ANXA7: variants seen among roughly 807,000 people sequenced by gnomAD.
The protein encoded by ANXA7 is annexin VII.
In ANXA7, 55 loss-of-function variants were observed where a neutral mutation model predicts 64.9. The ratio of observed to expected loss-of-function variants is 0.85; its 90% confidence interval spans 0.68 to 1.06. The LOEUF is 1.06. ANXA7 is among the 50% of genes least tolerant of loss of function. The pLI is 0.00. For synonymous variants in ANXA7, 200 were observed against 192.4 expected (o/e 1.04, Z -0.33); for missense variants, 548 against 582.1 (o/e 0.94, Z 0.60).
intron 5 of ANXA7, among the ~76,000 whole-genome samples, chr10:73,393,904 C>T (rs185624893): frequency 2.7e-3 from 416 of 152,292 alleles, no homozygotes; most frequent in Non-Finnish European, 4.7e-3. Context: ...AAAGAAACTA[C>T]CATCAGAGTG....
At chr10:73,396,403 T>C (rs2055576128) in intron 5 of ANXA7, 116 bp downstream of exon 5, 2 of 743,756 alleles carry the variant, frequency 2.7e-6, no homozygotes, top group Non-Finnish European at 4.6e-6. Context: ...GTAAAGACTT[T>C]AGTCTTCCAT....
chr10:73,386,492 A>C (rs139572671), intron 7 of ANXA7, among the ~76,000 whole-genome samples: 10 of 152,288 alleles, frequency 6.6e-5, no homozygotes, highest in Non-Finnish European at 1.5e-4. Flanking sequence ...CAGTATTAAG[A>C]AGCAGCTAAA....
chr10:73,376,267 A>G (rs752415660), intron 12 of ANXA7, 50 bp from the exon 13 acceptor site: 6 of 1,488,164 alleles, frequency 4.0e-6, no homozygotes, highest in Middle Eastern at 1.8e-4. Context: ...GACAACTGAC[A>G]TTTCTTAAAA....
chr10:73,389,951 G>T (rs78200962), intron 5 of ANXA7, among the ~76,000 whole-genome samples: 1 of 152,144 alleles, frequency 6.6e-6, no homozygotes, highest in African/African-American at 2.4e-5. Context: ...GGGTGTTCAA[G>T]TCAGGGCTTA....
Position 73,383,591 on chromosome 10 carries a change from G to T in ANXA7, c.733C>A (p.Arg245=). 6.2e-7 allele frequency: 1 copy of T among 1,611,312 alleles called. No individual in the cohort carries two copies. ...PPTYYDAWSL[R]KAMQGAGTQE... ...TATAGTAGTACCTGCATTGCTTTCC[G>T]TAAGCTCCAGGCATCGTAATACGTA... Residue 245 remains arginine, a synonymous_variant, in exon 8 of 13, where the codon CGG becomes AGG. Coordinates refer to ENST00000372921, the MANE Select transcript of ANXA7 (RefSeq NM_001156.5).
At position 73,378,923 on chromosome 10, in the gene ANXA7, G is replaced by T; in HGVS notation, c.1266C>A (p.Val422=). The stretch of plus-strand genomic sequence containing the variant: ...AGGCCTGCCTCACCTCACTTCGAGT[G>T]ACCACAATCCGGACCAGGGTGGAGT... ...TDDSTLVRIV[V]TRSEIDLVQI... is the part of the protein sequence containing the mutation. Residue 422 remains valine (V), a synonymous_variant, in exon 12 of 13, where the codon GTC becomes GTA. Transcript: ENST00000372921. The T allele has an allele frequency of 6.2e-7, 1 of 1,612,888 alleles. No individual in the cohort carries two copies. The highest frequency in any genetic ancestry group is 1.1e-5 in the South Asian group (1 of 90,852).
chr10:73,380,875 T>C (rs373840364), intron 9 of ANXA7, among the ~76,000 whole-genome samples: 1 of 152,170 alleles, frequency 6.6e-6, no homozygotes, highest in African/African-American at 2.4e-5. Flanking sequence ...TATTCATTCA[T>C]GCGACTAAGA....
At chr10:73,401,836 C>T (rs1031379978) in intron 1 of ANXA7, among the ~76,000 whole-genome samples, 4 of 152,182 alleles carry the variant, frequency 2.6e-5, no homozygotes, top group Admixed American at 6.5e-5. Context: ...GCAGTCCTCA[C>T]CAGATGCCAG....
chr10:73,390,712 AT>A (rs2055461943), intron 5 of ANXA7, among the ~76,000 whole-genome samples: 2 of 114,630 alleles, frequency 1.7e-5, no homozygotes, highest in African/African-American at 8.0e-5. Flanking sequence ...ATATATATAT[AT>A]ATATATAAAA....
At chr10:73,410,900 G>A (rs1429462597) in intron 1 of ANXA7, among the ~76,000 whole-genome samples, 1 of 151,692 alleles carries the variant, frequency 6.6e-6, no homozygotes, top group Non-Finnish European at 1.5e-5. Context: ...ACTCCTTGAA[G>A]AGCTAAAAAA....
At position 73,400,819 on chromosome 10, in the gene ANXA7, G is replaced by T; in HGVS notation, c.38C>A (p.Pro13His). 1.2e-6 allele frequency: 2 copies of T among 1,606,322 alleles called. No individual in the cohort carries two copies. The highest frequency in any genetic ancestry group is 1.7e-6 in the Non-Finnish European group (2 of 1,175,802). The change falls in exon 2 of 13, where the codon CCT (proline) becomes CAT (histidine). Residue 13 changes from proline (P) to histidine (H), a missense_variant. Coordinates refer to ENST00000372921, the MANE Select transcript of ANXA7 (RefSeq NM_001156.5). ...YPGYPPTGYP[P>H]FPGYPPAGQE... Reference sequence around the variant, plus strand: ...AATACTTACAGGATATCCAGGGAAAGGTGGGTAGCCTGTTGGGGGATAGCC... The same window carrying T: ...AATACTTACAGGATATCCAGGGAAATGTGGGTAGCCTGTTGGGGGATAGCC...
At chr10:73,395,265 T>TA (rs1469676303) in intron 5 of ANXA7, among the ~76,000 whole-genome samples, 3 of 152,146 alleles carry the variant, frequency 2.0e-5, no homozygotes, top group Admixed American at 6.5e-5. Context: ...GAAAGTGAGC[T>TA]AAAAAAATCA....
In ANXA7 at chr10:73,394,832, A is replaced by C. The variant is rs528186037; in HGVS notation, c.435+1687T>G. 3.3e-5 allele frequency among the ~76,000 whole-genome samples: 5 copies of C among 152,366 alleles called. No homozygotes were observed. In the South Asian group the frequency reaches 1.0e-3, roughly 32 times the overall value. On this transcript the variant is annotated intron_variant, in intron 5 of 12. Coordinates refer to ENST00000372921, the MANE Select transcript of ANXA7 (RefSeq NM_001156.5). ...TATGTAACAAACTTGCACGTTGTGCACATGTACCCTAGAACTTAAAGTGTA... is the reference window on the plus strand; with the variant it reads ...TATGTAACAAACTTGCACGTTGTGCCCATGTACCCTAGAACTTAAAGTGTA...
At chr10:73,395,852 T>C (rs780830032) in intron 5 of ANXA7, 7 of 676,104 alleles carry the variant, frequency 1.0e-5, no homozygotes, top group Non-Finnish European at 1.6e-5. Context: ...ACTCTGCAGC[T>C]AATGAGAAAA....
At chr10:73,398,460 A>G (rs2055611879) in intron 2 of ANXA7, 75 bp from the exon 3 acceptor site, 1 of 1,330,386 alleles carries the variant, frequency 7.5e-7, no homozygotes, top group Non-Finnish European at 1.0e-6. Flanking sequence ...AGGAACAAAC[A>G]GAGGTTATTA....
Position 73,383,303 on chromosome 10 carries a change from T to C in ANXA7, c.790A>G (p.Thr264Ala), listed in dbSNP as rs777950352. 11 of 1,614,142 alleles carry C rather than the reference T, an allele frequency of 6.8e-6. No individual in the cohort carries two copies. The South Asian group carries it at 1.1e-4, about 16-fold the overall frequency. Residue 264 changes from threonine to alanine, a missense_variant, in exon 9 of 13, where the codon ACA (threonine) becomes GCA (alanine). Thr to Ala is a moderately conservative substitution (Grantham distance 58, BLOSUM62 0). Coordinates refer to ENST00000372921, the MANE Select transcript of ANXA7 (RefSeq NM_001156.5). Reference sequence around the variant, plus strand: ...TCTCGGATTTCCTGATTTGTTCTTGTGCACAAAATCTCAATCAATACACGT... The same window carrying C: ...TCTCGGATTTCCTGATTTGTTCTTGCGCACAAAATCTCAATCAATACACGT... ...QERVLIEILC[T>A]RTNQEIREIV...
At chr10:73,395,602 G>C (rs1205811147) in intron 5 of ANXA7, among the ~76,000 whole-genome samples, 2 of 152,096 alleles carry the variant, frequency 1.3e-5, no homozygotes, top group Non-Finnish European at 2.9e-5. Context: ...TGGCCAACAT[G>C]GTGAAACCCT....
At position 73,380,052 on chromosome 10, in the gene ANXA7, A is replaced by G; in HGVS notation, c.1068T>C (p.Ala356=). The G allele has an allele frequency of 6.2e-7, 1 of 1,614,118 alleles. No homozygotes were observed. Among genetic ancestry groups the G allele is most frequent in the Non-Finnish European group, 8.5e-7 (1 of 1,180,012 alleles). ...ATACCCTAGAATAAGCCTCCATGGT[A>G]GCTCTCAGCTGAGGAAAGCTTCTTG... ...LATRSFPQLR[A]TMEAYSRMAN... The change falls in exon 10 of 13, where the codon GCT becomes GCC. Residue 356 remains alanine (A), a synonymous_variant. Transcript: ENST00000372921.
intron 12 of ANXA7, chr10:73,377,617 AT>A (rs2055194742): frequency 6.8e-6 from 1 of 146,098 alleles, no homozygotes; most frequent in African/African-American, 2.5e-5. Flanking sequence ...AATAATAATA[AT>A]TTAGGGTATT....
Sources: gnomAD v4.1 joint callset for allele counts (sites outside exome capture counted in the v4.1 genomes callset) on GRCh38, gnomAD v4.1.1 for gene constraint, MANE v1.5 for transcripts, NCBI Gene and HGNC (gene_info 2026-07-23, HGNC 2026-07-21) for gene names.